The following FN1 variants were observed in gnomAD, a reference collection of about 807,000 sequenced individuals.
The protein encoded by FN1 is fibronectin 1.
Under a neutral mutation model 297.3 loss-of-function variants are expected in FN1, and 106 were observed. The observed-to-expected ratio is 0.36, with a 90% CI of 0.30 to 0.42. The LOEUF is 0.42. FN1 is among the 10% of genes least tolerant of loss of function. The probability of loss-of-function intolerance (pLI) is 1.00; values close to 1 mark genes in which losing one functional copy is unlikely to be tolerated. For missense variants in FN1, 2,690 were observed against 3,124.9 expected (o/e 0.86, Z 3.32); for synonymous variants, 1,149 against 1,152.6 (o/e 1.00, Z 0.06).
intron 6 of FN1, 126 bp from the exon 7 acceptor site, chr2:215,425,411 C>T (rs2065153094): frequency 2.0e-6 from 2 of 979,476 alleles, no homozygotes; most frequent in Non-Finnish European, 3.2e-6. Flanking sequence ...TGGCCTGGGA[C>T]TGGAAAAAAA....
At chr2:215,407,014 A>G (rs766584462) in intron 18 of FN1, 113 bp downstream of exon 18, 112 of 844,618 alleles carry the variant, frequency 1.3e-4, no homozygotes, top group Middle Eastern at 3.4e-4. Flanking sequence ...TTTAGGGAAA[A>G]ACTAATATAT....
intron 34 of FN1, 36 bp from the exon 35 acceptor site, chr2:215,378,298 T>A: frequency 1.7e-6 from 2 of 1,160,418 alleles, no homozygotes; most frequent in Non-Finnish European, 2.6e-6. Flanking sequence ...TTTAGCAACG[T>A]CCTCAACTGA....
At chr2:215,406,916 A>G (rs999191769) in intron 18 of FN1, among the ~76,000 whole-genome samples, 1 of 152,216 alleles carries the variant, frequency 6.6e-6, no homozygotes, top group Admixed American at 6.5e-5. Context: ...AAATTTGTAG[A>G]TGGACGTTAT....
chr2:215,392,512 G>GT, intron 25 of FN1: 2 of 248,894 alleles, frequency 8.0e-6, no homozygotes, highest in Non-Finnish European at 7.9e-6. Flanking sequence ...GAAGGAGCAT[G>GT]GTAGAGTTTA....
chr2:215,366,634 A>G (rs958631334), intron 42 of FN1, among the ~76,000 whole-genome samples: 4 of 152,216 alleles, frequency 2.6e-5, no homozygotes, highest in African/African-American at 7.2e-5. Flanking sequence ...AGAAGCTTAT[A>G]TAACAATATA....
At chr2:215,414,655 A>C in intron 13 of FN1, 182 bp downstream of exon 13, 4 of 1,348,418 alleles carry the variant, frequency 3.0e-6, no homozygotes, top group Non-Finnish European at 3.8e-6. Flanking sequence ...CAAAACCAAA[A>C]TCCCCTCAGT....
Position 215,414,875 on chromosome 2 carries a change from G to C in FN1, c.1903C>G (p.Pro635Ala). 2 of 1,613,492 alleles carry C rather than the reference G, an allele frequency of 1.2e-6. No individual in the cohort carries two copies. The highest frequency in any genetic ancestry group is 1.1e-5 in the South Asian group (1 of 91,064). ...SHPIQWNAPQ[P>A]SHISKYILRW... ...AGAATGTACTTGGAAATGTGAGATG[G>C]CTGTGGTGCATTCCACTGGATGGGG... The change falls in exon 13 of 46, where the codon CCA becomes GCA. Residue 635 changes from proline to alanine, a missense_variant. Physicochemically the swap from Pro to Ala is conservative, Grantham distance 27. This residue lies in a region of FN1 where 876 missense variants were observed against 1,058.1 expected (regional missense o/e 0.83). Transcript: ENST00000354785.
At position 215,384,022 on chromosome 2, in the gene FN1, G is replaced by T. The variant is rs762875275; in HGVS notation, c.4892C>A (p.Thr1631Lys). 3.4e-5 allele frequency: 55 copies of T among 1,613,930 alleles called. 1 individual carries two copies. The South Asian group carries it at 6.0e-4, about 18-fold the overall frequency. The change falls in exon 30 of 46, where the codon ACA becomes AAA. Residue 1631 changes from threonine to lysine, a missense_variant and splice_region_variant. Around this residue, in one of 3 missense-constraint regions of FN1, gnomAD observed 1,743 missense variants for 1,945.2 expected, o/e 0.90. Coordinates refer to ENST00000354785, the MANE Select transcript of FN1 (RefSeq NM_212482.4). ...CACCCCAGAGTAGAAGTTTGTACCT[G>T]TTCGGTAATTAATGGAAATTGGCTT... is the stretch of plus-strand genomic sequence containing the variant. ...SSKPISINYR[T>K]EIDKPSQMQV... is the part of the protein sequence containing the mutation.
chr2:215,419,387 TAA>T lies in FN1; in HGVS notation c.1676-4_1676-3del, dbSNP rs1027514872. On this transcript the variant is annotated splice_region_variant and splice_polypyrimidine_tract_variant and intron_variant, in intron 11 of 45. Coordinates refer to ENST00000354785, the MANE Select transcript of FN1 (RefSeq NM_212482.4). The stretch of plus-strand genomic sequence containing the variant: ...CAGTCTCTGAATCCTGGCATTGGTC[TAA>T]AATACATGGAAGGAAAAGATAAACA... The T allele has an allele frequency of 1.2e-6, 2 of 1,611,864 alleles. No individual in the cohort carries two copies. Among genetic ancestry groups the T allele is most frequent in the African/African-American group, 1.3e-5 (1 of 74,898 alleles).
chr2:215,371,858 CTT>C lies in FN1; in HGVS notation c.6714+49_6714+50del, dbSNP rs763095848. ...AGGGCTGGTCACTTCAGTTACCTAA[CTT>C]ATTCCTTTCTGTGCTGCCCCATGAG... is the stretch of plus-strand genomic sequence containing the variant. On this transcript the variant is annotated intron_variant, in intron 40 of 45. Coordinates refer to ENST00000354785, the MANE Select transcript of FN1 (RefSeq NM_212482.4). 4.0e-6 allele frequency: 6 copies of C among 1,515,652 alleles called. No individual in the cohort carries two copies. In the African/African-American group the frequency reaches 6.9e-5, roughly 17 times the overall value. 93.9% of individuals were successfully genotyped at this position (1,515,652 alleles called of 1,614,324 possible). A position where few individuals can be genotyped will look rare whatever the true frequency, so the allele number is the denominator to read the frequency against.
rs767306616 is a variant in FN1, at chr2:215,409,700, AGAG to A, written c.2159_2161del (p.Pro720del). 1 of 1,614,016 alleles carries A rather than the reference AGAG, an allele frequency of 6.2e-7. No homozygotes were observed. Among genetic ancestry groups the A allele is most frequent in the Non-Finnish European group, 8.5e-7 (1 of 1,180,012 alleles). ...GGTCACAGATTCAGAAGTGGCCACA[AGAG>A]GAGAAAAGGGAGTCGTCTCTCCTGT... On this transcript the variant is annotated inframe_deletion, in exon 15 of 46. Transcript: ENST00000354785.
chr2:215,397,922 T>A, intron 21 of FN1, 74 bp from the exon 22 acceptor site: 1 of 1,316,200 alleles, frequency 7.6e-7, no homozygotes, highest in African/African-American at 1.4e-5. Flanking sequence ...GAGGCTATGA[T>A]TATGCTTTAA....
chr2:215,384,657 T>G lies in FN1; in HGVS notation c.4729+203A>C, dbSNP rs1167340849. 2.8e-5 allele frequency: 15 copies of G among 529,612 alleles called. 1 individual carries two copies. The highest frequency in any genetic ancestry group is 4.8e-5 in the Non-Finnish European group (14 of 294,358). The allele number at this position is 529,612 out of a possible 1,614,324, so 32.8% of individuals were successfully genotyped here. On this transcript the variant is annotated intron_variant, in intron 29 of 45. Transcript: ENST00000354785. ...CTCAGCTCTGCCGTTCCCCCTCTAGTTGTAGTATATAAACAACTTTTTATT... is the reference window on the plus strand; with the variant it reads ...CTCAGCTCTGCCGTTCCCCCTCTAGGTGTAGTATATAAACAACTTTTTATT...
intron 28 of FN1, among the ~76,000 whole-genome samples, chr2:215,386,404 T>A (rs1260211657): frequency 6.6e-6 from 1 of 151,936 alleles, no homozygotes; most frequent in Non-Finnish European, 1.5e-5. Flanking sequence ...ACAAAACTTG[T>A]GTTATTAGAA....
rs557907157 is a variant in FN1, at chr2:215,400,629, G to A, written c.3254-1278C>T. On this transcript the variant is annotated intron_variant, in intron 20 of 45. Transcript: ENST00000354785. Reference sequence around the variant, plus strand: ...TAGCCAGGTGTGATGGTGGATGCCTGTAATCCTAGCTGCTTGGGAAGCTGA... The same window carrying A: ...TAGCCAGGTGTGATGGTGGATGCCTATAATCCTAGCTGCTTGGGAAGCTGA... Among the ~76,000 whole-genome samples the A allele has an allele frequency of 2.6e-5, 4 of 151,158 alleles. No homozygotes were observed. The South Asian group carries it at 6.3e-4, about 24-fold the overall frequency.
intron 1 of FN1, 131 bp downstream of exon 1, chr2:215,435,524 A>C: frequency 7.5e-7 from 1 of 1,342,142 alleles, no homozygotes; most frequent in Non-Finnish European, 1.0e-6. Context: ...TTGTGTGCAC[A>C]GCTGGTTTCT....
chr2:215,430,511 A>T (rs573513032), intron 5 of FN1, among the ~76,000 whole-genome samples: 1 of 152,308 alleles, frequency 6.6e-6, no homozygotes, highest in East Asian at 1.9e-4. Flanking sequence ...ATTGAACCTT[A>T]TCAAAGTGAT....
intron 32 of FN1, chr2:215,381,957 C>T (rs2058280037): frequency 6.7e-6 from 3 of 446,546 alleles, no homozygotes; most frequent in East Asian, 9.4e-5. Context: ...AATAAGATTT[C>T]GCTGAGGCCA....
chr2:215,388,661 T>C (rs1003007861), intron 26 of FN1, among the ~76,000 whole-genome samples: 1 of 152,234 alleles, frequency 6.6e-6, no homozygotes, highest in Non-Finnish European at 1.5e-5. Flanking sequence ...TGCTGTGGAT[T>C]GCCATTTATG....
Sources: gnomAD v4.1 joint callset for allele counts (sites outside exome capture counted in the v4.1 genomes callset) on GRCh38, gnomAD v4.1.1 for gene constraint, gnomAD v4.1.1 regional missense constraint, MANE v1.5 for transcripts, NCBI Gene and HGNC (gene_info 2026-07-23, HGNC 2026-07-21) for gene names.